SEMA3C: variants seen among roughly 807,000 people sequenced by gnomAD.
The protein encoded by SEMA3C is semaphorin 3C.
In SEMA3C, 47 loss-of-function variants were observed where a neutral mutation model predicts 89.4. The ratio of observed to expected loss-of-function variants is 0.53; its 90% confidence interval spans 0.42 to 0.67. The LOEUF (loss-of-function observed/expected upper bound fraction) is 0.67. Ranked by LOEUF, SEMA3C falls within the 30% of genes least tolerant of loss-of-function variation. SEMA3C has a pLI of 0.00. For missense variants in SEMA3C, 839 were observed against 929.1 expected (o/e 0.90, Z 1.26); for synonymous variants, 310 against 320.2 (o/e 0.97, Z 0.34).
intron 12 of SEMA3C, among the ~76,000 whole-genome samples, chr7:80,768,944 C>A (rs1322052763): frequency 6.6e-6 from 1 of 152,106 alleles, no homozygotes; most frequent in Non-Finnish European, 1.5e-5. Context: ...TCATAGAAAG[C>A]ATTTTTTTAA....
At position 80,744,644 on chromosome 7, in the gene SEMA3C, T is replaced by A; in HGVS notation, c.*250A>T. 2.0e-6 allele frequency: 1 copy of A among 505,758 alleles called. No individual in the cohort carries two copies. The highest frequency in any genetic ancestry group is 3.5e-6 in the Non-Finnish European group (1 of 286,640). The allele number at this position is 505,758 out of a possible 1,614,324, so 31.3% of individuals were successfully genotyped here. A position where few individuals can be genotyped will look rare whatever the true frequency, so the allele number is the denominator to read the frequency against. ...ATATCGATTTTGAAGAAAAGGTGAA[T>A]AAAGATATAAATAAAATCTGGGTTA... On this transcript the variant is annotated 3_prime_UTR_variant, in exon 18 of 18. Coordinates refer to ENST00000265361, the MANE Select transcript of SEMA3C (RefSeq NM_006379.5).
chr7:80,863,203 G>A (rs1466941974), intron 2 of SEMA3C, among the ~76,000 whole-genome samples: 4 of 150,280 alleles, frequency 2.7e-5, no homozygotes, highest in African/African-American at 4.9e-5. Flanking sequence ...TTGCACTCCA[G>A]CCTGGTGACA....
intron 5 of SEMA3C, chr7:80,816,317 A>G (rs1047468383): frequency 6.6e-6 from 1 of 152,196 alleles, no homozygotes; most frequent in Non-Finnish European, 1.5e-5. Context: ...AACTCTGCCA[A>G]CCTAACTTGG....
At chr7:80,761,368 T>A (rs1788178793) in intron 14 of SEMA3C, among the ~76,000 whole-genome samples, 1 of 152,154 alleles carries the variant, frequency 6.6e-6, no homozygotes, top group Admixed American at 6.5e-5. Context: ...ATATACAAAA[T>A]GTTGGAATAT....
chr7:80,783,055 T>G (rs1486543910), intron 12 of SEMA3C, among the ~76,000 whole-genome samples: 1 of 152,136 alleles, frequency 6.6e-6, no homozygotes, highest in Non-Finnish European at 1.5e-5. Flanking sequence ...TATGTCTATA[T>G]CTTTATACAA....
intron 3 of SEMA3C, among the ~76,000 whole-genome samples, chr7:80,828,288 T>C (rs1257804544): frequency 6.6e-6 from 1 of 152,168 alleles, no homozygotes; most frequent in Non-Finnish European, 1.5e-5. Context: ...TCCTTTTCTC[T>C]GACCATTTCT....
At chr7:80,765,373 G>A in intron 12 of SEMA3C, 130 bp from the exon 13 acceptor site, 3 of 629,306 alleles carry the variant, frequency 4.8e-6, no homozygotes, top group Non-Finnish European at 8.3e-6. Context: ...TATGTATTAA[G>A]CCACTGCCAT....
chr7:80,872,237 G>A (rs1189422307), intron 2 of SEMA3C, among the ~76,000 whole-genome samples: 4 of 151,958 alleles, frequency 2.6e-5, no homozygotes, highest in African/African-American at 7.2e-5. Context: ...TGCAACCTCC[G>A]CCTCCCAGGT....
At chr7:80,802,515 T>G in intron 9 of SEMA3C, 150 bp downstream of exon 9, 1 of 533,098 alleles carries the variant, frequency 1.9e-6, no homozygotes, top group Non-Finnish European at 3.3e-6. Flanking sequence ...CTTAAGAAAA[T>G]TTATGAACAG....
chr7:80,750,712 T>A (rs1169577380), intron 16 of SEMA3C, among the ~76,000 whole-genome samples: 1 of 151,662 alleles, frequency 6.6e-6, no homozygotes, highest in East Asian at 1.9e-4. Context: ...CATAAAGAAG[T>A]AGAATGGTGG....
At chr7:80,915,717 GGTGACAGC>G (rs2116256439) in intron 2 of SEMA3C, 1 of 147,600 alleles carries the variant, frequency 6.8e-6, no homozygotes, top group South Asian at 2.2e-4. Context: ...ACTCCAACCT[GGTGACAGC>G]GTGAGACACT....
At chr7:80,847,337 G>A (rs1790413254) in intron 2 of SEMA3C, 1 of 152,126 alleles carries the variant, frequency 6.6e-6, no homozygotes, top group African/African-American at 2.4e-5. Context: ...CTGTGTCTTC[G>A]TTTTGTTACT....
chr7:80,811,805 A>C (rs1461826767), intron 5 of SEMA3C, among the ~76,000 whole-genome samples: 2 of 152,148 alleles, frequency 1.3e-5, no homozygotes, highest in East Asian at 3.9e-4. Context: ...AAGAGTCCAG[A>C]GATTAGGAGG....
rs548192717 is a variant in SEMA3C at position 80,820,884 on chromosome 7, C to T, written c.328-2466G>A. On this transcript the variant is annotated intron_variant, in intron 4 of 17. Coordinates refer to ENST00000265361, the MANE Select transcript of SEMA3C (RefSeq NM_006379.5). Reference sequence around the variant, plus strand: ...TGGGATTCTGTATACAATATTTCCCCATAAGATATAAATAATTCAATCCAA... The same window carrying T: ...TGGGATTCTGTATACAATATTTCCCTATAAGATATAAATAATTCAATCCAA... 3.3e-5 allele frequency among the ~76,000 whole-genome samples: 5 copies of T among 152,134 alleles called. 1 individual carries two copies. Among genetic ancestry groups the T allele is most frequent in the Admixed American group, 2.6e-4 (4 of 15,264 alleles).
intron 15 of SEMA3C, 100 bp from the exon 16 acceptor site, chr7:80,751,436 C>T: frequency 2.0e-6 from 2 of 1,023,858 alleles, no homozygotes; most frequent in Non-Finnish European, 3.0e-6. Flanking sequence ...CTTTTTATTG[C>T]TAAGCTTTCA....
chr7:80,782,159 C>T (rs1255152362), intron 12 of SEMA3C, among the ~76,000 whole-genome samples: 1 of 152,086 alleles, frequency 6.6e-6, no homozygotes, highest in East Asian at 1.9e-4. Context: ...CCCCTCTCAC[C>T]CCCAATTTTT....
At chr7:80,750,946 G>T (rs545600605) in intron 16 of SEMA3C, among the ~76,000 whole-genome samples, 28 of 152,226 alleles carry the variant, frequency 1.8e-4, no homozygotes, top group African/African-American at 6.5e-4. Context: ...GGGTTCTTCA[G>T]TGGTAAATCT....
chr7:80,919,280 G>T, upstream of SEMA3C: 1 of 984,038 alleles, frequency 1.0e-6, no homozygotes, highest in Non-Finnish European at 1.2e-6. Flanking sequence ...AGAGCTCGCG[G>T]CTGGCCAGAC....
chr7:80,753,320 A>G (rs1416806398), intron 15 of SEMA3C, among the ~76,000 whole-genome samples: 1 of 152,226 alleles, frequency 6.6e-6, no homozygotes, highest in Non-Finnish European at 1.5e-5. Context: ...TTATTTTCCT[A>G]CAGCCAACTT....
Sources: gnomAD v4.1 joint callset for allele counts (sites outside exome capture counted in the v4.1 genomes callset) on GRCh38, gnomAD v4.1.1 for gene constraint, MANE v1.5 for transcripts, NCBI Gene and HGNC (gene_info 2026-07-23, HGNC 2026-07-21) for gene names.